Variants in MAP7 observed in about 807,000 individuals in gnomAD.
MAP7 encodes the protein ensconsin.
MAP7 carries 52 observed loss-of-function variants against 94.8 expected under a neutral mutation model. The ratio of observed to expected loss-of-function variants is 0.55; its 90% CI spans 0.44 to 0.69. The LOEUF (loss-of-function observed/expected upper bound fraction) is 0.69, where lower values mean the gene tolerates loss of function less well. Among genes scored for constraint, MAP7 ranks in the 30% least tolerant of loss-of-function variants. The probability of loss-of-function intolerance (pLI) is 0.00; values close to 1 mark genes in which losing one functional copy is unlikely to be tolerated. For missense variants in MAP7, 940 were observed against 964.6 expected (o/e 0.97, Z 0.34); for synonymous variants, 350 against 357.0 (o/e 0.98, Z 0.22).
chr6:136,412,990 C>T (rs1465436736), intron 2 of MAP7, among the ~76,000 whole-genome samples: 1 of 151,800 alleles, frequency 6.6e-6, no homozygotes, highest in East Asian at 1.9e-4. Context: ...GTGAAACCGT[C>T]TCTGCTAAAA....
At chr6:136,401,225 G>A (rs1293587559) in intron 3 of MAP7, among the ~76,000 whole-genome samples, 1 of 152,202 alleles carries the variant, frequency 6.6e-6, no homozygotes, top group Non-Finnish European at 1.5e-5. Flanking sequence ...GTTGGCACAT[G>A]CCTGTAGTCC....
chr6:136,485,410 T>C (rs1430705965), intron 1 of MAP7, among the ~76,000 whole-genome samples: 1 of 152,214 alleles, frequency 6.6e-6, no homozygotes, highest in African/African-American at 2.4e-5. Context: ...GAATACCATG[T>C]GGCAGTAAAT....
At chr6:136,394,931 C>CACAT (rs1554243129) in intron 3 of MAP7, among the ~76,000 whole-genome samples, 6 of 27,494 alleles carry the variant, frequency 2.2e-4, no homozygotes, top group Non-Finnish European at 4.6e-4. Context: ...AATATTCCAT[C>CACAT]ATATATATAT....
chr6:136,472,386 C>A (rs1809331158), intron 1 of MAP7, among the ~76,000 whole-genome samples: 1 of 152,100 alleles, frequency 6.6e-6, no homozygotes, highest in South Asian at 2.1e-4. Context: ...TTAAAACAAA[C>A]CAATGTAATC....
intron 1 of MAP7, among the ~76,000 whole-genome samples, chr6:136,517,840 A>G (rs1825305217): frequency 6.6e-6 from 1 of 152,174 alleles, no homozygotes; most frequent in Non-Finnish European, 1.5e-5. Context: ...GATATCCCTG[A>G]TAAGGGCTGG....
At chr6:136,508,899 AAGTGTC>A (rs1054783261) in intron 1 of MAP7, among the ~76,000 whole-genome samples, 28 of 152,346 alleles carry the variant, frequency 1.8e-4, no homozygotes, top group Non-Finnish European at 2.4e-4. Flanking sequence ...TTATGACAGT[AAGTGTC>A]AGAAGAATGG....
chr6:136,531,049 G>A (rs1287429541), intron 1 of MAP7, among the ~76,000 whole-genome samples: 1 of 144,916 alleles, frequency 6.9e-6, no homozygotes, highest in African/African-American at 2.9e-5. Context: ...TAAATGTTAG[G>A]TGTGAAATGC....
At chr6:136,506,589 CT>C (rs1338633020) in intron 1 of MAP7, among the ~76,000 whole-genome samples, 1 of 151,558 alleles carries the variant, frequency 6.6e-6, no homozygotes. Context: ...CAGGTTGATA[CT>C]GGAACTGGTC....
intron 1 of MAP7, among the ~76,000 whole-genome samples, chr6:136,534,275 G>A (rs1828707817): frequency 6.6e-6 from 1 of 152,188 alleles, no homozygotes; most frequent in South Asian, 2.1e-4. Flanking sequence ...CAGGCTGGCA[G>A]GCTCGAAACT....
chr6:136,416,210 C>T (rs933856732), intron 2 of MAP7, among the ~76,000 whole-genome samples: 16 of 152,242 alleles, frequency 1.1e-4, no homozygotes, highest in Admixed American at 2.6e-4. Flanking sequence ...GAACAAACAA[C>T]GAACAACCTT....
chr6:136,519,798 C>T lies in MAP7; in HGVS notation c.67+30544G>A, dbSNP rs111763784. ...ATCTATGATTAGCTAACAAAAGGGA[C>T]AGAAAGCATTATTAACCTTAATATT... On this transcript the variant is annotated intron_variant, in intron 1 of 17. Coordinates refer to ENST00000354570, the MANE Select transcript of MAP7 (RefSeq NM_003980.6). 3.6e-4 allele frequency among the ~76,000 whole-genome samples: 55 copies of T among 152,266 alleles called. 1 individual carries two copies. The highest frequency in any genetic ancestry group is 1.3e-3 in the African/African-American group (52 of 41,550).
intron 1 of MAP7, among the ~76,000 whole-genome samples, chr6:136,477,250 T>C (rs1811224756): frequency 6.6e-6 from 1 of 152,300 alleles, no homozygotes; most frequent in Non-Finnish European, 1.5e-5. Context: ...GCGAAAAATA[T>C]ATTACCTCAG....
chr6:136,517,371 G>A (rs1285769668), intron 1 of MAP7, among the ~76,000 whole-genome samples: 1 of 152,194 alleles, frequency 6.6e-6, no homozygotes, highest in Non-Finnish European at 1.5e-5. Flanking sequence ...AAAAGAGACT[G>A]GCTAAGGTTT....
intron 1 of MAP7, among the ~76,000 whole-genome samples, chr6:136,462,954 C>CAAAAAAAA (rs5880296): frequency 8.0e-6 from 1 of 124,944 alleles, no homozygotes. Flanking sequence ...GATCCTATCT[C>CAAAAAAAA]AAAAAAAAAA....
chr6:136,383,182 T>C (rs1405987045), intron 6 of MAP7, among the ~76,000 whole-genome samples: 1 of 152,064 alleles, frequency 6.6e-6, no homozygotes, highest in African/African-American at 2.4e-5. Flanking sequence ...ACAGCACACA[T>C]AAGAAATGCA....
At chr6:136,455,028 A>C (rs1582962371) in intron 1 of MAP7, among the ~76,000 whole-genome samples, 1 of 152,106 alleles carries the variant, frequency 6.6e-6, no homozygotes, top group East Asian at 1.9e-4. Flanking sequence ...CTTAAAGACT[A>C]TATAGTACAT....
chr6:136,475,328 T>A (rs1222151352), intron 1 of MAP7, among the ~76,000 whole-genome samples: 1 of 152,196 alleles, frequency 6.6e-6, no homozygotes, highest in African/African-American at 2.4e-5. Flanking sequence ...CAAACATAAA[T>A]CTTGGTATAG....
intron 1 of MAP7, among the ~76,000 whole-genome samples, chr6:136,527,816 A>C (rs1365804023): frequency 6.6e-6 from 1 of 151,834 alleles, no homozygotes; most frequent in African/African-American, 2.4e-5. Context: ...GGATGTACTA[A>C]ATTGTGAGCA....
rs148162990 is a variant in MAP7 at position 136,344,504 on chromosome 6, C to T, written c.2240-266G>A. On this transcript the variant is annotated intron_variant, in intron 17 of 17. Coordinates refer to ENST00000354570, the MANE Select transcript of MAP7 (RefSeq NM_003980.6). The stretch of plus-strand genomic sequence containing the variant: ...TGGCATACACAGATTGTACTTTTCT[C>T]GGTTAGGGGTTTAAACATTCATTTC... Among the ~76,000 whole-genome samples, 35 of 152,210 alleles carry T rather than the reference C, an allele frequency of 2.3e-4. 1 individual carries two copies. Among genetic ancestry groups the T allele is most frequent in the African/African-American group, 4.3e-4 (18 of 41,532 alleles).
Sources: allele counts gnomAD v4.1 joint callset (sites outside exome capture counted in the v4.1 genomes callset), GRCh38; gene constraint gnomAD v4.1.1; transcripts MANE v1.5; gene names NCBI Gene and HGNC (gene_info 2026-07-23, HGNC 2026-07-21).